EVA1A: variants seen among roughly 807,000 people sequenced by gnomAD.
EVA1A encodes protein eva-1 homolog A.
A neutral mutation model predicts 9.8 loss-of-function variants in EVA1A; 7 were observed. The observed-to-expected ratio is 0.71, with a 90% CI of 0.41 to 1.34. The LOEUF is 1.34. Ranked by LOEUF, EVA1A falls within the 40% of genes most tolerant of loss-of-function variation. The pLI is 0.01. For synonymous variants in EVA1A, 90 were observed against 85.6 expected (o/e 1.05, Z -0.28); for missense variants, 206 against 205.9 (o/e 1.00, Z 0.00).
At chr2:75,537,990 C>G (rs895015138) in intron 1 of EVA1A, among the ~76,000 whole-genome samples, 1 of 152,150 alleles carries the variant, frequency 6.6e-6, no homozygotes, top group African/African-American at 2.4e-5. Context: ...TAATACACCT[C>G]TTAAAACTAG....
rs1326110310 is a variant in EVA1A, at chr2:75,518,025, AGTCCTGGCCCAGT to A, written c.85+18_85+30del. The stretch of plus-strand genomic sequence containing the variant: ...AACCTTGGACCCAGCCCCAGACCTC[AGTCCTGGCCCAGT>A]GGAAACCAGGCACCTACCTGAGACA... On this transcript the variant is annotated intron_variant, in intron 3 of 3. Transcript: ENST00000393913. 7 of 1,612,894 alleles carry A rather than the reference AGTCCTGGCCCAGT, an allele frequency of 4.3e-6. No homozygotes were observed. The highest frequency in any genetic ancestry group is 1.3e-5 in the African/African-American group (1 of 74,898).
chr2:75,549,490 C>A (rs527295005), intron 1 of EVA1A, among the ~76,000 whole-genome samples: 1 of 152,256 alleles, frequency 6.6e-6, no homozygotes, highest in South Asian at 2.1e-4. Flanking sequence ...CCACACCCAG[C>A]CAAAGGGACT....
intron 1 of EVA1A, among the ~76,000 whole-genome samples, chr2:75,544,248 GCCC>G (rs1676245393): frequency 6.6e-6 from 1 of 152,254 alleles, no homozygotes; most frequent in African/African-American, 2.4e-5. Context: ...CATCACCCTG[GCCC>G]CCTAGCGCCA....
At position 75,547,291 on chromosome 2, in the gene EVA1A, A is replaced by G. The variant is rs115147959; in HGVS notation, c.-192+13389T>C. Among the ~76,000 whole-genome samples the G allele has an allele frequency of 5.6e-3, 850 of 152,326 alleles. 6 individuals are homozygous for G. The highest frequency in any genetic ancestry group is 0.014 in the Middle Eastern group (4 of 294). On this transcript the variant is annotated intron_variant, in intron 1 of 3. Coordinates refer to ENST00000393913, the MANE Select transcript of EVA1A (RefSeq NM_001135032.2). ...CATGCCACCCACCGGGTGAGGAGAAAAGATTCTGCATCTCAGGAATGGTAC... is the reference window on the plus strand; with the variant it reads ...CATGCCACCCACCGGGTGAGGAGAAGAGATTCTGCATCTCAGGAATGGTAC...
chr2:75,551,151 C>A lies in EVA1A; in HGVS notation c.-192+9529G>T, dbSNP rs564563689. Among the ~76,000 whole-genome samples the A allele has an allele frequency of 2.2e-4, 34 of 151,174 alleles. No individual in the cohort carries two copies. The East Asian group carries it at 6.2e-3, about 28-fold the overall frequency. ...CAAAACAAAACAAAACAAAAAAAAC[C>A]AAAAAAAACGTGCTGGTCTTTTCCA... is the stretch of plus-strand genomic sequence containing the variant. On this transcript the variant is annotated intron_variant, in intron 1 of 3. Coordinates refer to ENST00000393913, the MANE Select transcript of EVA1A (RefSeq NM_001135032.2).
intron 3 of EVA1A, among the ~76,000 whole-genome samples, chr2:75,501,018 C>T (rs1444716301): frequency 1.3e-5 from 2 of 149,008 alleles, no homozygotes; most frequent in African/African-American, 2.5e-5. Flanking sequence ...TACCTTATTA[C>T]TTTTACAAAA....
intron 1 of EVA1A, among the ~76,000 whole-genome samples, chr2:75,544,317 T>C (rs1676248871): frequency 6.6e-6 from 1 of 152,212 alleles, no homozygotes. Context: ...TATGCTCTTA[T>C]AAAGACGTAA....
chr2:75,531,855 A>G (rs1675663113), intron 1 of EVA1A, among the ~76,000 whole-genome samples: 1 of 152,174 alleles, frequency 6.6e-6, no homozygotes. Context: ...AGAAATCACC[A>G]TTAAAGAACT....
chr2:75,548,405 G>A (rs1422743126), intron 1 of EVA1A, among the ~76,000 whole-genome samples: 1 of 152,148 alleles, frequency 6.6e-6, no homozygotes. Context: ...ACAGTGCTGA[G>A]ATTATAGGTG....
Position 75,519,305 on chromosome 2 carries a change from G to C in EVA1A, c.-68-1097C>G, listed in dbSNP as rs554412451. Among the ~76,000 whole-genome samples, 11 of 152,258 alleles carry C rather than the reference G, an allele frequency of 7.2e-5. No homozygotes were observed. The South Asian group carries it at 1.2e-3, about 17-fold the overall frequency. On this transcript the variant is annotated intron_variant, in intron 2 of 3. Coordinates refer to ENST00000393913, the MANE Select transcript of EVA1A (RefSeq NM_001135032.2). ...GAGTGTAGAAGGGTGTCAAGGCTTG[G>C]AGAATGAACCTGGGATCTCAGTGGG...
rs1283246460 is a variant in EVA1A, at chr2:75,549,004, ATATATT to A, written c.-192+11670_-192+11675del. Among the ~76,000 whole-genome samples the A allele has an allele frequency of 7.1e-3, 719 of 100,584 alleles. 4 individuals carry two copies. The highest frequency in any genetic ancestry group is 0.029 in the African/African-American group (672 of 22,826). 66.0% of individuals were successfully genotyped at this position (100,584 alleles called of 152,430 possible). ...GAAAAATATATATATATATATATAT[ATATATT>A]TTTTTTTTTTTTACTAATAAATCAA... On this transcript the variant is annotated intron_variant, in intron 1 of 3. Coordinates refer to ENST00000393913, the MANE Select transcript of EVA1A (RefSeq NM_001135032.2).
chr2:75,519,568 T>G (rs1675163263), intron 2 of EVA1A, among the ~76,000 whole-genome samples: 1 of 152,122 alleles, frequency 6.6e-6, no homozygotes, highest in African/African-American at 2.4e-5. Context: ...CTCCAGGGAC[T>G]TTGAAAAGAG....
chr2:75,548,043 G>C (rs1676391720), intron 1 of EVA1A, among the ~76,000 whole-genome samples: 1 of 152,344 alleles, frequency 6.6e-6, no homozygotes, highest in Non-Finnish European at 1.5e-5. Flanking sequence ...CAGGCCCTGG[G>C]TAAGTTGCCA....
chr2:75,510,393 C>T (rs1674767746), intron 3 of EVA1A, among the ~76,000 whole-genome samples: 1 of 152,160 alleles, frequency 6.6e-6, no homozygotes, highest in African/African-American at 2.4e-5. Flanking sequence ...CACAAAGGCC[C>T]TTGGCCCTCA....
chr2:75,561,224 C>T (rs1416725475), upstream of EVA1A: 2 of 152,250 alleles, frequency 1.3e-5, no homozygotes, highest in African/African-American at 2.4e-5. Context: ...AGGCTTTCCC[C>T]CTGCTGGGAC....
chr2:75,511,167 C>G (rs769664502), intron 3 of EVA1A, among the ~76,000 whole-genome samples: 1 of 152,164 alleles, frequency 6.6e-6, no homozygotes, highest in Non-Finnish European at 1.5e-5. Context: ...AACACTGCTG[C>G]AGGGGCTTCT....
At chr2:75,503,133 A>G (rs962388689) in intron 3 of EVA1A, among the ~76,000 whole-genome samples, 1 of 152,102 alleles carries the variant, frequency 6.6e-6, no homozygotes, top group Non-Finnish European at 1.5e-5. Flanking sequence ...GGGTAAGGGA[A>G]TTCACTGGAT....
chr2:75,493,666 G>A (rs986688762), intron 3 of EVA1A, 57 bp from the exon 4 acceptor site: 20 of 1,473,546 alleles, frequency 1.4e-5, no homozygotes, highest in Non-Finnish European at 1.7e-5. Context: ...CATATGCAGA[G>A]ATCCAATATG....
intron 1 of EVA1A, among the ~76,000 whole-genome samples, chr2:75,552,277 C>T (rs34096890): frequency 0.34 from 52,235 of 151,996 alleles, 10,410 homozygotes; most frequent in Admixed American, 0.46. Context: ...AGCCATCTCT[C>T]CCTAACTATC....
Sources: gnomAD v4.1 joint callset for allele counts (sites outside exome capture counted in the v4.1 genomes callset) on GRCh38, gnomAD v4.1.1 for gene constraint, MANE v1.5 for transcripts, NCBI Gene and HGNC (gene_info 2026-07-23, HGNC 2026-07-21) for gene names.